Variants in GNA14 observed in about 807,000 individuals in gnomAD.
GNA14 encodes guanine nucleotide-binding protein subunit alpha-14.
GNA14 carries 50 observed loss-of-function variants against 42.0 expected under a neutral mutation model. The ratio of observed to expected loss-of-function variants is 1.19; its 90% CI spans 0.95 to 1.51. GNA14 has a LOEUF of 1.51. GNA14 is among the 40% of genes most tolerant of loss of function. The pLI, the probability that GNA14 is intolerant of heterozygous loss-of-function variation, is 0.00. For synonymous variants in GNA14, 173 were observed against 163.1 expected (o/e 1.06, Z -0.46); for missense variants, 473 against 446.2 (o/e 1.06, Z -0.54).
At chr9:77,451,724 G>A (rs1229834883) in intron 2 of GNA14, among the ~76,000 whole-genome samples, 3 of 152,132 alleles carry the variant, frequency 2.0e-5, no homozygotes, top group South Asian at 2.1e-4. Flanking sequence ...ACAAGCCAAC[G>A]TGCAGCAAAG....
chr9:77,456,736 T>C (rs190775821), intron 2 of GNA14, among the ~76,000 whole-genome samples: 1 of 152,330 alleles, frequency 6.6e-6, no homozygotes, highest in African/African-American at 2.4e-5. Flanking sequence ...CCAGCCCACA[T>C]TCTTTAACCC....
At chr9:77,441,338 C>G (rs1835730791) in intron 2 of GNA14, among the ~76,000 whole-genome samples, 1 of 152,086 alleles carries the variant, frequency 6.6e-6, no homozygotes, top group Non-Finnish European at 1.5e-5. Flanking sequence ...TTCACATGCG[C>G]ACACTTTCTG....
chr9:77,556,029 G>A (rs956277083), intron 1 of GNA14, among the ~76,000 whole-genome samples: 1 of 152,144 alleles, frequency 6.6e-6, no homozygotes, highest in Admixed American at 6.5e-5. Flanking sequence ...CAGATCACCT[G>A]AGGTCAGGAG....
intron 2 of GNA14, among the ~76,000 whole-genome samples, chr9:77,487,432 G>C (rs1427275648): frequency 6.6e-6 from 1 of 152,142 alleles, no homozygotes; most frequent in African/African-American, 2.4e-5. Flanking sequence ...GCTTTAACTA[G>C]TCAATTGACA....
At chr9:77,598,854 T>C (rs768847463) in intron 1 of GNA14, among the ~76,000 whole-genome samples, 2 of 152,178 alleles carry the variant, frequency 1.3e-5, no homozygotes, top group Admixed American at 6.5e-5. Flanking sequence ...AAAAACACCA[T>C]GGTAAGTACT....
chr9:77,584,754 G>A (rs1168877919), intron 1 of GNA14, among the ~76,000 whole-genome samples: 3 of 152,192 alleles, frequency 2.0e-5, no homozygotes, highest in Non-Finnish European at 4.4e-5. Flanking sequence ...CATAGACAGA[G>A]CAGACTCAAG....
intron 1 of GNA14, among the ~76,000 whole-genome samples, chr9:77,623,373 T>C (rs1232189659): frequency 6.6e-6 from 1 of 151,716 alleles, no homozygotes; most frequent in African/African-American, 2.4e-5. Context: ...TGGGCTGAGA[T>C]TGTAAATCTC....
chr9:77,501,191 G>A (rs928533519), intron 2 of GNA14, among the ~76,000 whole-genome samples: 1 of 152,154 alleles, frequency 6.6e-6, no homozygotes, highest in Non-Finnish European at 1.5e-5. Flanking sequence ...CTGATCTCAA[G>A]TGATCCACCT....
At chr9:77,634,081 T>C (rs1029847034) in intron 1 of GNA14, among the ~76,000 whole-genome samples, 5 of 152,164 alleles carry the variant, frequency 3.3e-5, no homozygotes, top group African/African-American at 1.2e-4. Context: ...GTAGTTTTGG[T>C]TACATATCAA....
intron 2 of GNA14, among the ~76,000 whole-genome samples, chr9:77,459,326 G>A (rs1353044217): frequency 6.6e-6 from 1 of 152,132 alleles, no homozygotes; most frequent in Non-Finnish European, 1.5e-5. Flanking sequence ...GGAGCAGGGG[G>A]ATTGTCTTAC....
chr9:77,547,143 T>C (rs958024424), intron 1 of GNA14, among the ~76,000 whole-genome samples: 32 of 152,240 alleles, frequency 2.1e-4, no homozygotes, highest in African/African-American at 7.0e-4. Flanking sequence ...GTTTCTTACA[T>C]TGGGAGGATG....
At chr9:77,586,812 C>T (rs1823311204) in intron 1 of GNA14, among the ~76,000 whole-genome samples, 1 of 152,196 alleles carries the variant, frequency 6.6e-6, no homozygotes, top group African/African-American at 2.4e-5. Flanking sequence ...GTTGCCTGTT[C>T]CTTTACGGTA....
In GNA14 at chr9:77,428,921, C is replaced by T; in HGVS notation, c.709G>A (p.Glu237Lys). The T allele has an allele frequency of 6.2e-7, 1 of 1,613,664 alleles. No homozygotes were observed. Among genetic ancestry groups the T allele is most frequent in the Non-Finnish European group, 8.5e-7 (1 of 1,179,806 alleles). ...GCCCAGCATACCTCGTTGTCACACT[C>T]AGCCAGGACCTGGTCATATTCACTC... ...ALSEYDQVLA[E>K]CDNENRMEES... Residue 237 changes from glutamate to lysine, a missense_variant, in exon 5 of 7, where the codon GAG (glutamate) becomes AAG (lysine). Physicochemically the swap from Glu to Lys is moderately conservative, Grantham distance 56. Transcript: ENST00000341700.
chr9:77,497,728 TATACATATTTATATACATATGC>T (rs1186907765), intron 2 of GNA14, among the ~76,000 whole-genome samples: 16 of 152,094 alleles, frequency 1.1e-4, no homozygotes, highest in South Asian at 2.1e-4. Flanking sequence ...TACATATGCA[TATACATATTTATATACATATGC>T]ATATACATAT....
At chr9:77,543,831 C>T (rs1439834031) in intron 1 of GNA14, among the ~76,000 whole-genome samples, 2 of 152,072 alleles carry the variant, frequency 1.3e-5, no homozygotes, top group African/African-American at 4.8e-5. Flanking sequence ...TATTTTGGTT[C>T]CTCTCCATGG....
intron 1 of GNA14, chr9:77,580,491 C>A (rs1663108): frequency 7.9e-6 from 3 of 379,034 alleles, no homozygotes; most frequent in Non-Finnish European, 1.1e-5. Flanking sequence ...GCTGCATCAT[C>A]AGCATGGTTG....
chr9:77,434,599 G>T, intron 2 of GNA14, 77 bp from the exon 3 acceptor site: 2 of 1,311,068 alleles, frequency 1.5e-6, no homozygotes, highest in Non-Finnish European at 2.1e-6. Context: ...TACAAGTCTT[G>T]CCCTGGTCTG....
At chr9:77,535,231 G>A (rs1343819169) in intron 1 of GNA14, among the ~76,000 whole-genome samples, 1 of 152,092 alleles carries the variant, frequency 6.6e-6, no homozygotes, top group African/African-American at 2.4e-5. Flanking sequence ...TGCAACCCTG[G>A]GGCTTGTTTA....
At chr9:77,618,581 A>AATATATATATATACATATAT (rs1823859209) in intron 1 of GNA14, among the ~76,000 whole-genome samples, 1 of 42,608 alleles carries the variant, frequency 2.3e-5, no homozygotes, top group African/African-American at 9.5e-5. Flanking sequence ...ATTACATTTG[A>AATATATATATATACATATAT]ATATATATAT....
Sources: allele counts gnomAD v4.1 joint callset (sites outside exome capture counted in the v4.1 genomes callset), GRCh38; gene constraint gnomAD v4.1.1; transcripts MANE v1.5; gene names NCBI Gene and HGNC (gene_info 2026-07-23, HGNC 2026-07-21).